The following EBF1 variants were observed in gnomAD, a reference collection of about 807,000 sequenced individuals.
EBF1 encodes the protein transcription factor COE1.
A neutral mutation model predicts 68.4 loss-of-function variants in EBF1; 10 were observed. That is an observed-to-expected ratio of 0.15 (90% CI 0.09 to 0.25). The LOEUF (loss-of-function observed/expected upper bound fraction) is 0.25, where lower values mean the gene tolerates loss of function less well. Among genes scored for constraint, EBF1 ranks in the 10% least tolerant of loss-of-function variants. EBF1 has a pLI of 1.00. For synonymous variants in EBF1, 298 were observed against 299.8 expected (o/e 0.99, Z 0.06); for missense variants, 509 against 794.4 (o/e 0.64, Z 4.32).
chr5:158,940,780 G>A (rs1428634696), intron 6 of EBF1, among the ~76,000 whole-genome samples: 2 of 7,168 alleles, frequency 2.8e-4, no homozygotes, highest in African/African-American at 9.1e-4. Flanking sequence ...CCCCCCCCCC[G>A]CAGGTCAAAT....
intron 4 of EBF1, among the ~76,000 whole-genome samples, chr5:159,089,772 G>C (rs1781295988): frequency 7.0e-6 from 1 of 143,392 alleles, no homozygotes; most frequent in Non-Finnish European, 1.5e-5. Context: ...TTGAAGAAGA[G>C]GAAGAGGAAA....
At chr5:158,885,692 TAC>T (rs2128099220) in intron 6 of EBF1, among the ~76,000 whole-genome samples, 1 of 152,274 alleles carries the variant, frequency 6.6e-6, no homozygotes, top group South Asian at 2.1e-4. Flanking sequence ...CTGGCTCCAT[TAC>T]AGATATGGAA....
rs529087295 is a variant in EBF1, at chr5:158,833,122, T to C, written c.636+6907A>G. Among the ~76,000 whole-genome samples, 28 of 151,976 alleles carry C rather than the reference T, an allele frequency of 1.8e-4. No homozygotes were observed. The South Asian group carries it at 3.7e-3, about 20-fold the overall frequency. On this transcript the variant is annotated intron_variant, in intron 7 of 15. Coordinates refer to ENST00000313708, the MANE Select transcript of EBF1 (RefSeq NM_024007.5). ...CCTGGTCACCTACTTTAAGAGAGGT[T>C]GTCTCCCTTCTCTACTAAAAAAAAA...
chr5:158,829,050 G>C (rs4704966), intron 7 of EBF1, among the ~76,000 whole-genome samples: 8,110 of 152,256 alleles, frequency 0.053, 300 homozygotes, highest in Non-Finnish European at 0.071. Context: ...GGGAGGAATG[G>C]GTGAAGGATA....
chr5:158,843,689 C>T (rs1337150797), intron 6 of EBF1, among the ~76,000 whole-genome samples: 1 of 152,284 alleles, frequency 6.6e-6, no homozygotes, highest in African/African-American at 2.4e-5. Flanking sequence ...CCAGCCCTAC[C>T]CCAGAGGGAG....
At chr5:158,710,491 C>A (rs906458748) in intron 14 of EBF1, among the ~76,000 whole-genome samples, 18 of 152,172 alleles carry the variant, frequency 1.2e-4, no homozygotes, top group African/African-American at 3.4e-4. Flanking sequence ...CTATGAGAAA[C>A]AATCTTTTGA....
At chr5:158,703,981 C>G (rs762978004) in intron 15 of EBF1, among the ~76,000 whole-genome samples, 2 of 152,176 alleles carry the variant, frequency 1.3e-5, no homozygotes, top group South Asian at 4.1e-4. Context: ...ATTTTGTAGC[C>G]CTCTTGTGCC....
Position 158,761,867 on chromosome 5 carries a change from C to T in EBF1, c.1036+15546G>A, listed in dbSNP as rs148153726. 1.3e-3 allele frequency among the ~76,000 whole-genome samples: 198 copies of T among 152,186 alleles called. 1 individual carries two copies. The highest frequency in any genetic ancestry group is 4.2e-3 in the African/African-American group (173 of 41,516). ...TACATTAAGGTTTTATAATTTTATA[C>T]GGGCTCTTCTCTTTTTATGTAAAAG... On this transcript the variant is annotated intron_variant, in intron 10 of 15. Coordinates refer to ENST00000313708, the MANE Select transcript of EBF1 (RefSeq NM_024007.5).
intron 7 of EBF1, among the ~76,000 whole-genome samples, chr5:158,827,730 G>T (rs996290550): frequency 2.0e-5 from 3 of 152,206 alleles, no homozygotes; most frequent in Non-Finnish European, 2.9e-5. Context: ...ATTCAATCAT[G>T]AGTGGAAGAT....
intron 8 of EBF1, among the ~76,000 whole-genome samples, chr5:158,819,415 A>G (rs924365455): frequency 2.6e-5 from 4 of 152,240 alleles, no homozygotes; most frequent in African/African-American, 9.6e-5. Flanking sequence ...GCTCTGCACC[A>G]CAGTGTTGTG....
intron 6 of EBF1, among the ~76,000 whole-genome samples, chr5:159,000,877 TA>T (rs1762399072): frequency 6.6e-6 from 1 of 152,198 alleles, no homozygotes; most frequent in Non-Finnish European, 1.5e-5. Context: ...TGTAAGGAGT[TA>T]AAAAATTCAT....
At chr5:158,855,773 A>T (rs767850296) in intron 6 of EBF1, among the ~76,000 whole-genome samples, 1 of 152,250 alleles carries the variant, frequency 6.6e-6, no homozygotes, top group African/African-American at 2.4e-5. Flanking sequence ...GTGACTATGC[A>T]TCAGGACTTT....
intron 7 of EBF1, among the ~76,000 whole-genome samples, chr5:158,835,879 T>C (rs1788667104): frequency 6.6e-6 from 1 of 152,222 alleles, no homozygotes. Context: ...TGATAACTCA[T>C]GTAAAATACT....
At chr5:158,749,605 C>T (rs1348615984) in intron 10 of EBF1, among the ~76,000 whole-genome samples, 1 of 151,992 alleles carries the variant, frequency 6.6e-6, no homozygotes, top group Non-Finnish European at 1.5e-5. Flanking sequence ...TAGTATACCT[C>T]CTAGCAATGC....
intron 6 of EBF1, among the ~76,000 whole-genome samples, chr5:158,927,690 G>A (rs1166575539): frequency 1.3e-5 from 2 of 152,176 alleles, no homozygotes; most frequent in Non-Finnish European, 2.9e-5. Context: ...CAATAGATAA[G>A]ATGAGGCAAA....
intron 6 of EBF1, among the ~76,000 whole-genome samples, chr5:158,903,925 G>T (rs958892180): frequency 6.6e-6 from 1 of 152,090 alleles, no homozygotes; most frequent in Admixed American, 6.6e-5. Flanking sequence ...ATGTCCACTT[G>T]ATACAAGGAG....
chr5:158,755,009 G>A (rs1280380454), intron 10 of EBF1, among the ~76,000 whole-genome samples: 2 of 152,104 alleles, frequency 1.3e-5, no homozygotes, highest in African/African-American at 4.8e-5. Flanking sequence ...GGTATTAAGA[G>A]GACAGAGTGG....
At chr5:159,029,137 A>G (rs1285247372) in intron 6 of EBF1, among the ~76,000 whole-genome samples, 1 of 152,228 alleles carries the variant, frequency 6.6e-6, no homozygotes, top group Non-Finnish European at 1.5e-5. Context: ...AAAGACATAT[A>G]AATAAAATAT....
intron 6 of EBF1, among the ~76,000 whole-genome samples, chr5:159,011,690 T>A (rs951751507): frequency 2.6e-5 from 4 of 152,342 alleles, no homozygotes; most frequent in African/African-American, 9.6e-5. Flanking sequence ...CCCCCCCTTC[T>A]CTGACTGCTG....
Sources: gnomAD v4.1 joint callset for allele counts (sites outside exome capture counted in the v4.1 genomes callset) on GRCh38, gnomAD v4.1.1 for gene constraint, MANE v1.5 for transcripts, NCBI Gene and HGNC (gene_info 2026-07-23, HGNC 2026-07-21) for gene names.